The following LRMDA variants were observed in gnomAD, a reference collection of about 807,000 sequenced individuals.
LRMDA encodes leucine rich melanocyte differentiation associated, also known as leucine-rich melanocyte differentiation-associated protein.
Under a neutral mutation model 29.8 loss-of-function variants are expected in LRMDA, and 18 were observed. The ratio of observed to expected loss-of-function variants is 0.60; its 90% CI spans 0.42 to 0.90. The LOEUF (loss-of-function observed/expected upper bound fraction) is 0.90. Among genes scored for constraint, LRMDA ranks in the 40% least tolerant of loss-of-function variants. The pLI, the probability that LRMDA is intolerant of heterozygous loss-of-function variation, is 0.00. For missense variants in LRMDA, 273 were observed against 273.9 expected (o/e 1.00, Z 0.02); for synonymous variants, 125 against 109.4 (o/e 1.14, Z -0.89).
At chr10:75,913,787 G>A (rs1017509817) in intron 2 of LRMDA, among the ~76,000 whole-genome samples, 4 of 152,216 alleles carry the variant, frequency 2.6e-5, no homozygotes, top group Admixed American at 2.6e-4. Flanking sequence ...CCCCTGGAGA[G>A]GAGCAAGGGG....
intron 2 of LRMDA, among the ~76,000 whole-genome samples, chr10:75,745,221 C>A (rs987743070): frequency 6.6e-6 from 1 of 152,046 alleles, no homozygotes; most frequent in South Asian, 2.1e-4. Flanking sequence ...TTTTTTAATA[C>A]CCCCATGTTA....
intron 2 of LRMDA, among the ~76,000 whole-genome samples, chr10:75,846,107 C>T (rs1564584533): frequency 1.3e-5 from 2 of 151,586 alleles, no homozygotes; most frequent in African/African-American, 4.9e-5. Flanking sequence ...TAGGTACCTC[C>T]TAAATAAGAA....
chr10:76,094,886 A>G (rs1849290176), intron 5 of LRMDA, among the ~76,000 whole-genome samples: 1 of 152,148 alleles, frequency 6.6e-6, no homozygotes, highest in Non-Finnish European at 1.5e-5. Context: ...AGTCCATATT[A>G]TTCTTCCACT....
At chr10:76,349,296 T>C (rs1841146194) in intron 6 of LRMDA, among the ~76,000 whole-genome samples, 1 of 152,164 alleles carries the variant, frequency 6.6e-6, no homozygotes, top group African/African-American at 2.4e-5. Flanking sequence ...CAGGTAGTCA[T>C]AGGCAATATG....
chr10:76,259,929 T>A (rs963941040), intron 5 of LRMDA, among the ~76,000 whole-genome samples: 9 of 152,138 alleles, frequency 5.9e-5, no homozygotes, highest in African/African-American at 2.2e-4. Flanking sequence ...TTGTGTGGGA[T>A]ATCTTTTTCC....
intron 6 of LRMDA, among the ~76,000 whole-genome samples, chr10:76,353,690 T>G (rs1564517934): frequency 6.6e-6 from 1 of 152,144 alleles, no homozygotes; most frequent in Non-Finnish European, 1.5e-5. Context: ...GTCTGGAGTC[T>G]TGGCTCTGAA....
intron 5 of LRMDA, among the ~76,000 whole-genome samples, chr10:76,128,804 G>C (rs573626810): frequency 2.0e-5 from 3 of 152,234 alleles, no homozygotes; most frequent in South Asian, 4.1e-4. Context: ...AGCTCATCAG[G>C]GAGGCAATCA....
chr10:76,194,276 G>A (rs1274472060), intron 5 of LRMDA, among the ~76,000 whole-genome samples: 5 of 152,128 alleles, frequency 3.3e-5, no homozygotes, highest in Admixed American at 2.0e-4. Flanking sequence ...TTGGAATCAG[G>A]AGCATCTCAA....
chr10:75,910,880 G>A (rs971391967), intron 2 of LRMDA, among the ~76,000 whole-genome samples: 4 of 152,150 alleles, frequency 2.6e-5, no homozygotes, highest in African/African-American at 9.7e-5. Flanking sequence ...TGGGTTCTCT[G>A]TCTCTTGTTT....
At position 75,984,311 on chromosome 10, in the gene LRMDA, G is replaced by A. The variant is rs551507023; in HGVS notation, c.132-51697G>A. Among the ~76,000 whole-genome samples, 3 of 152,288 alleles carry A rather than the reference G, an allele frequency of 2.0e-5. No homozygotes were observed. In the East Asian group the frequency reaches 5.8e-4, roughly 29 times the overall value. On this transcript the variant is annotated intron_variant, in intron 2 of 6. Transcript: ENST00000611255. ...GATATCCAAACCAGCAGGTGGAGGA[G>A]GAGAAAGAGACAAGAGCTCAGGCCT...
chr10:75,804,556 A>G (rs1843814621), intron 2 of LRMDA, among the ~76,000 whole-genome samples: 1 of 152,104 alleles, frequency 6.6e-6, no homozygotes, highest in Non-Finnish European at 1.5e-5. Context: ...CTGCTTTGCA[A>G]TTTTCAAGGG....
intron 5 of LRMDA, among the ~76,000 whole-genome samples, chr10:76,188,954 A>G (rs202061855): frequency 9.3e-5 from 13 of 139,294 alleles, no homozygotes; most frequent in South Asian, 7.5e-4. Flanking sequence ...ACACACACAC[A>G]CACACACACA....
At chr10:75,891,955 T>A (rs558540872) in intron 2 of LRMDA, among the ~76,000 whole-genome samples, 2 of 152,162 alleles carry the variant, frequency 1.3e-5, no homozygotes, top group South Asian at 4.2e-4. Context: ...TGGGGAGGGG[T>A]CAGGACTGGA....
At chr10:75,735,137 T>C (rs1842746406) in intron 2 of LRMDA, among the ~76,000 whole-genome samples, 1 of 152,222 alleles carries the variant, frequency 6.6e-6, no homozygotes, top group Non-Finnish European at 1.5e-5. Flanking sequence ...AGGCACTCAA[T>C]AAACATTTAT....
intron 5 of LRMDA, among the ~76,000 whole-genome samples, chr10:76,161,477 C>T (rs537402110): frequency 2.0e-5 from 3 of 152,158 alleles, no homozygotes; most frequent in Non-Finnish European, 4.4e-5. Flanking sequence ...AATGTCTGTG[C>T]TGTCATCAGT....
chr10:76,545,556 T>C (rs2132389506), intron 6 of LRMDA, among the ~76,000 whole-genome samples: 1 of 152,024 alleles, frequency 6.6e-6, no homozygotes, highest in South Asian at 2.1e-4. Flanking sequence ...TGTTTTCTTC[T>C]TTTTTCCTGT....
intron 6 of LRMDA, among the ~76,000 whole-genome samples, chr10:76,458,361 TA>T (rs1186492869): frequency 6.6e-6 from 1 of 152,206 alleles, no homozygotes; most frequent in Non-Finnish European, 1.5e-5. Flanking sequence ...AATGTGCTGT[TA>T]TTTTTTAGTT....
chr10:76,027,533 C>A lies in LRMDA; in HGVS notation c.132-8475C>A, dbSNP rs370938988. ...GGTATCACACACATACACACACACA[C>A]ATAAATATATACATTTAAGTGTGTT... On this transcript the variant is annotated intron_variant, in intron 2 of 6. Coordinates refer to ENST00000611255, the MANE Select transcript of LRMDA (RefSeq NM_001305581.2). Among the ~76,000 whole-genome samples the A allele has an allele frequency of 3.6e-4, 55 of 152,284 alleles. 3 individuals are homozygous for A. In the East Asian group the frequency reaches 0.011, roughly 29 times the overall value.
At chr10:75,884,245 TTGTGTGTG>T (rs57507869) in intron 2 of LRMDA, among the ~76,000 whole-genome samples, 135 of 109,566 alleles carry the variant, frequency 1.2e-3, no homozygotes, top group Middle Eastern at 4.7e-3. Flanking sequence ...GCAGGCGACT[TTGTGTGTG>T]TGTGTGTGTG....
Sources: gnomAD v4.1 joint callset for allele counts (sites outside exome capture counted in the v4.1 genomes callset) on GRCh38, gnomAD v4.1.1 for gene constraint, MANE v1.5 for transcripts, NCBI Gene and HGNC (gene_info 2026-07-23, HGNC 2026-07-21) for gene names.